ITGA6: variants seen among roughly 807,000 people sequenced by gnomAD.
ITGA6 encodes integrin alpha-6.
In ITGA6, 63 loss-of-function variants were observed where a neutral mutation model predicts 133.6. The observed-to-expected ratio is 0.47, with a 90% CI of 0.38 to 0.58. The LOEUF is 0.58. ITGA6 is among the 20% of genes least tolerant of loss of function. The pLI is 0.00. For synonymous variants in ITGA6, 434 were observed against 482.0 expected (o/e 0.90, Z 1.30); for missense variants, 1,068 against 1,309.4 (o/e 0.82, Z 2.85).
chr2:172,484,600 G>GA lies in ITGA6; in HGVS notation c.1550-180dup, dbSNP rs1317908409. 2.0e-5 allele frequency among the ~76,000 whole-genome samples: 3 copies of GA among 152,322 alleles called. No homozygotes were observed. The South Asian group carries it at 6.2e-4, about 32-fold the overall frequency. ...TTTGAAACATTGTTAACAGCAAAAG[G>GA]AAGGAAAAGACAGCTTGATTTGAAC... is the stretch of plus-strand genomic sequence containing the variant. On this transcript the variant is annotated intron_variant, in intron 11 of 25. Coordinates refer to ENST00000684293, the MANE Select transcript of ITGA6 (RefSeq NM_000210.4).
At chr2:172,465,474 G>T in intron 1 of ITGA6, 65 bp from the exon 2 acceptor site, 3 of 1,578,936 alleles carry the variant, frequency 1.9e-6, no homozygotes, top group South Asian at 2.2e-5. Flanking sequence ...TCCTAGTTCT[G>T]ACTGATTTAA....
chr2:172,497,696 G>A (rs1205659308), intron 23 of ITGA6, among the ~76,000 whole-genome samples: 1 of 152,104 alleles, frequency 6.6e-6, no homozygotes, highest in Non-Finnish European at 1.5e-5. Context: ...CAGTTTACTT[G>A]TGTTGATAAC....
At position 172,447,976 on chromosome 2, in the gene ITGA6, A is replaced by G. The variant is rs181495160; in HGVS notation, c.183-17563A>G. Among the ~76,000 whole-genome samples, 5 of 152,238 alleles carry G rather than the reference A, an allele frequency of 3.3e-5. No homozygotes were observed. The South Asian group carries it at 1.0e-3, about 32-fold the overall frequency. On this transcript the variant is annotated intron_variant, in intron 1 of 25. Coordinates refer to ENST00000684293, the MANE Select transcript of ITGA6 (RefSeq NM_000210.4). Reference sequence around the variant, plus strand: ...CTCTTAATGAGACACACCCATAGTAAAGTCCAGACACTCAGTCTGGACTTA... The same window carrying G: ...CTCTTAATGAGACACACCCATAGTAGAGTCCAGACACTCAGTCTGGACTTA...
At chr2:172,485,779 A>C (rs897440807) in intron 13 of ITGA6, among the ~76,000 whole-genome samples, 1 of 152,202 alleles carries the variant, frequency 6.6e-6, no homozygotes, top group African/African-American at 2.4e-5. Context: ...GATACCTCAT[A>C]TGAGGTGGGG....
intron 1 of ITGA6, among the ~76,000 whole-genome samples, chr2:172,436,691 C>T (rs954588286): frequency 2.0e-5 from 3 of 152,138 alleles, no homozygotes; most frequent in South Asian, 2.1e-4. Flanking sequence ...CCAGAGAAAC[C>T]GTGGCCAGCT....
At chr2:172,472,750 C>A in intron 5 of ITGA6, 1 of 1,452,618 alleles carries the variant, frequency 6.9e-7, no homozygotes, top group Non-Finnish European at 9.7e-7. Flanking sequence ...TCTTCAATTT[C>A]TTCCGTCCCG....
rs752505601 is a variant in ITGA6, at chr2:172,489,658, G to A, written c.2679G>A (p.Thr893=). The A allele has an allele frequency of 4.3e-6, 7 of 1,612,320 alleles. No individual in the cohort carries two copies. The highest frequency in any genetic ancestry group is 1.7e-5 in the Admixed American group (1 of 59,998). The change falls in exon 20 of 26, where the codon ACG becomes ACA. Residue 893 remains threonine (T), a splice_region_variant and synonymous_variant. Transcript: ENST00000684293. ...AGGAGATAAACTCCCTGAACCTAAC[G>A]GTATGTCGGTAGATTTATCTAATGT... The part of the protein sequence containing the change: ...PQKEINSLNL[T]ESHNSRKKRE...
At chr2:172,470,499 A>T (rs2357636) in intron 4 of ITGA6, among the ~76,000 whole-genome samples, 152,316 of 152,320 alleles carry the variant, frequency 1, 76,156 homozygotes, top group Non-Finnish European at 1. Flanking sequence ...CTATATGAAA[A>T]CTTATGTTTT....
Position 172,491,534 on chromosome 2 carries a change from C to T in ITGA6, c.2988+11C>T. The T allele has an allele frequency of 6.4e-7, 1 of 1,567,182 alleles. No homozygotes were observed. The highest frequency in any genetic ancestry group is 8.8e-7 in the Non-Finnish European group (1 of 1,138,050). ...AATGCAGGCACTCAGGTGAGAGGTT[C>T]CCCAGCTTCATTCAGGTTCAGAACA... On this transcript the variant is annotated intron_variant, in intron 23 of 25. Transcript: ENST00000684293. The surrounding 1 kb of genome is among the most constrained non-coding windows in gnomAD (Gnocchi z 4.4).
chr2:172,427,479 C>T (rs1285615072), upstream of ITGA6: 2 of 1,045,300 alleles, frequency 1.9e-6, no homozygotes, highest in African/African-American at 1.9e-5. Flanking sequence ...GGGTAAGGTG[C>T]GGGCGGTGCG....
At chr2:172,490,490 TA>T (rs1391640759) in intron 20 of ITGA6, among the ~76,000 whole-genome samples, 2 of 152,254 alleles carry the variant, frequency 1.3e-5, no homozygotes, top group Non-Finnish European at 1.5e-5. Context: ...TCATCAATGT[TA>T]AAAATCAAGA....
Position 172,427,841 on chromosome 2 carries a change from C to T in ITGA6, c.53C>T (p.Ser18Phe), listed in dbSNP as rs1683916406. The T allele has an allele frequency of 6.2e-7, 1 of 1,605,554 alleles. No individual in the cohort carries two copies. The highest frequency in any genetic ancestry group is 8.5e-7 in the Non-Finnish European group (1 of 1,176,770). The change falls in exon 1 of 26, where the codon TCC becomes TTC. Residue 18 changes from serine (S) to phenylalanine (F), a missense_variant. Physicochemically the swap from Ser to Phe is radical, Grantham distance 155. Coordinates refer to ENST00000684293, the MANE Select transcript of ITGA6 (RefSeq NM_000210.4). ...CTCTACCTGTCGGCGGGGCTCCTGT[C>T]CCGGCTCGGCGCAGCCTTCAACTTG... is the stretch of plus-strand genomic sequence containing the variant. ...CLLYLSAGLLSRLGAAFNLDT... is the reference protein window; with the variant it reads ...CLLYLSAGLLFRLGAAFNLDT...
intron 1 of ITGA6, among the ~76,000 whole-genome samples, chr2:172,454,211 G>A (rs1466769510): frequency 1.3e-5 from 2 of 151,848 alleles, no homozygotes; most frequent in Non-Finnish European, 2.9e-5. Flanking sequence ...AGCCTCCCGA[G>A]TAGCTAGGAC....
chr2:172,465,460 TA>T, intron 1 of ITGA6, 78 bp from the exon 2 acceptor site: 1 of 1,520,976 alleles, frequency 6.6e-7, no homozygotes, highest in African/African-American at 1.4e-5. Flanking sequence ...ATAATCCCAC[TA>T]TCTCCTAGTT....
In ITGA6 at chr2:172,435,875, T is replaced by C. The variant is rs991551461; in HGVS notation, c.182+7905T>C. On this transcript the variant is annotated intron_variant, in intron 1 of 25. Coordinates refer to ENST00000684293, the MANE Select transcript of ITGA6 (RefSeq NM_000210.4). ...AACTCCTGGATTCAGGCAATCAGCC[T>C]GGCTTGGCCTCCCAAAGTGTTGAGA... 3.9e-5 allele frequency among the ~76,000 whole-genome samples: 6 copies of C among 152,064 alleles called. 1 individual carries two copies. In the South Asian group the frequency reaches 1.0e-3, roughly 26 times the overall value.
Position 172,502,208 on chromosome 2 carries a change from C to A in ITGA6, c.*22+307C>A, listed in dbSNP as rs543167084. Among the ~76,000 whole-genome samples the A allele has an allele frequency of 3.3e-5, 5 of 152,134 alleles. No homozygotes were observed. The East Asian group carries it at 9.7e-4, about 29-fold the overall frequency. On this transcript the variant is annotated intron_variant, in intron 25 of 25. Coordinates refer to ENST00000684293, the MANE Select transcript of ITGA6 (RefSeq NM_000210.4). ...GAGACTTTTAGCCCTCCATAGTAGC[C>A]CAGTTTGCAATGTGTTATTAATTCG...
chr2:172,484,888 A>G lies in ITGA6; in HGVS notation c.1656A>G (p.Leu552=), dbSNP rs778069935. 5 of 1,614,080 alleles carry G rather than the reference A, an allele frequency of 3.1e-6. No homozygotes were observed. The African/African-American group carries it at 5.3e-5, about 17-fold the overall frequency. Residue 552 remains leucine, a synonymous_variant, in exon 12 of 26, where the codon CTA becomes CTG. Transcript: ENST00000684293. ...CTGAGCCCAAATATACTCAAGAACT[A>G]ACTCTGAAGAGGCAGAAACAGAAAG... ...QGSEPKYTQE[L]TLKRQKQKVC...
intron 1 of ITGA6, among the ~76,000 whole-genome samples, chr2:172,448,803 A>C (rs990671452): frequency 2.0e-5 from 3 of 152,206 alleles, no homozygotes; most frequent in African/African-American, 7.2e-5. Context: ...ATTTAAAAAT[A>C]GGGTTTGGTT....
chr2:172,479,820 A>T, intron 10 of ITGA6, 81 bp downstream of exon 10: 1 of 1,341,402 alleles, frequency 7.5e-7, no homozygotes, highest in Non-Finnish European at 1.1e-6. Flanking sequence ...CTGAGGAGCC[A>T]CAGGGAAGAT....
Sources: gnomAD v4.1 joint callset for allele counts (sites outside exome capture counted in the v4.1 genomes callset) on GRCh38, gnomAD v4.1.1 for gene constraint, Gnocchi (gnomAD v3.1) non-coding constraint, MANE v1.5 for transcripts, NCBI Gene and HGNC (gene_info 2026-07-23, HGNC 2026-07-21) for gene names.